The following EVA1A variants were observed in gnomAD, a reference collection of about 807,000 sequenced individuals.
EVA1A encodes the protein protein eva-1 homolog A.
A neutral mutation model predicts 9.8 loss-of-function variants in EVA1A; 7 were observed. The ratio of observed to expected loss-of-function variants is 0.71; its 90% CI spans 0.41 to 1.34. EVA1A has a LOEUF of 1.34. EVA1A is among the 40% of genes most tolerant of loss of function. The pLI, the probability that EVA1A is intolerant of heterozygous loss-of-function variation, is 0.01. For synonymous variants in EVA1A, 90 were observed against 85.6 expected (o/e 1.05, Z -0.28); for missense variants, 206 against 205.9 (o/e 1.00, Z 0.00).
chr2:75,553,770 A>C (rs1277399041), intron 1 of EVA1A, among the ~76,000 whole-genome samples: 3 of 152,198 alleles, frequency 2.0e-5, no homozygotes, highest in Non-Finnish European at 4.4e-5. Context: ...ACACTGGAGA[A>C]TGTCCAGGCC....
chr2:75,504,321 G>A (rs1674533647), intron 3 of EVA1A, among the ~76,000 whole-genome samples: 1 of 152,170 alleles, frequency 6.6e-6, no homozygotes, highest in African/African-American at 2.4e-5. Context: ...TGGGGCAGGA[G>A]AATCGTTTGA....
At chr2:75,550,037 A>C (rs560518737) in intron 1 of EVA1A, among the ~76,000 whole-genome samples, 1 of 152,316 alleles carries the variant, frequency 6.6e-6, no homozygotes, top group East Asian at 1.9e-4. Context: ...TGAACAAAAG[A>C]ATCTTAAGTA....
chr2:75,504,498 GC>G (rs1674541637), intron 3 of EVA1A, among the ~76,000 whole-genome samples: 1 of 152,148 alleles, frequency 6.6e-6, no homozygotes, highest in Non-Finnish European at 1.5e-5. Context: ...TAACATTACT[GC>G]CCTCTCTAAA....
intron 3 of EVA1A, among the ~76,000 whole-genome samples, chr2:75,516,686 AT>A (rs1378538183): frequency 6.6e-6 from 1 of 152,198 alleles, no homozygotes; most frequent in African/African-American, 2.4e-5. Flanking sequence ...TGCGAGACAT[AT>A]TTTTGTGACA....
chr2:75,502,630 G>A (rs923816428), intron 3 of EVA1A, among the ~76,000 whole-genome samples: 6 of 152,238 alleles, frequency 3.9e-5, no homozygotes, highest in Non-Finnish European at 5.9e-5. Flanking sequence ...AAGAGGGAAA[G>A]AGGGAGGAAG....
Position 75,492,863 on chromosome 2 carries a change from C to G in EVA1A, c.*373G>C, listed in dbSNP as rs1416871898. ...GTTAAGTTCACCCTGCTATTCCCAG[C>G]CCTCATGCTATAATGATCTTTCCTT... is the stretch of plus-strand genomic sequence containing the variant. On this transcript the variant is annotated 3_prime_UTR_variant, in exon 4 of 4. Coordinates refer to ENST00000393913, the MANE Select transcript of EVA1A (RefSeq NM_001135032.2). 2.0e-5 allele frequency: 4 copies of G among 200,500 alleles called. No individual in the cohort carries two copies. Among genetic ancestry groups the G allele is most frequent in the African/African-American group, 9.3e-5 (4 of 42,952 alleles). The allele number at this position is 200,500 out of a possible 1,614,324, so 12.4% of individuals were successfully genotyped here.
At chr2:75,512,745 G>T (rs1423733104) in intron 3 of EVA1A, among the ~76,000 whole-genome samples, 2 of 152,056 alleles carry the variant, frequency 1.3e-5, no homozygotes, top group African/African-American at 2.4e-5. Flanking sequence ...TGATGTCTTG[G>T]CCCCAATAAT....
intron 1 of EVA1A, among the ~76,000 whole-genome samples, chr2:75,556,972 T>G (rs1194898992): frequency 6.6e-6 from 1 of 152,158 alleles, no homozygotes; most frequent in Non-Finnish European, 1.5e-5. Flanking sequence ...TGGATGTCAA[T>G]GGATAGGAGA....
intron 3 of EVA1A, among the ~76,000 whole-genome samples, chr2:75,504,178 C>T (rs143040125): frequency 0.022 from 3,295 of 152,042 alleles, 80 homozygotes; most frequent in Admixed American, 0.053. Context: ...TTTGGGAGGT[C>T]GAGGTGGGCA....
At chr2:75,547,730 A>G (rs1051244283) in intron 1 of EVA1A, among the ~76,000 whole-genome samples, 3 of 152,180 alleles carry the variant, frequency 2.0e-5, no homozygotes, top group African/African-American at 7.2e-5. Flanking sequence ...TTAAAGCAAT[A>G]GCTCCTAACT....
At chr2:75,532,979 C>G (rs1269474138) in intron 1 of EVA1A, among the ~76,000 whole-genome samples, 1 of 151,688 alleles carries the variant, frequency 6.6e-6, no homozygotes. Context: ...CCCATCTTTA[C>G]TAAAAATACA....
intron 1 of EVA1A, among the ~76,000 whole-genome samples, chr2:75,557,071 G>A (rs1473450570): frequency 6.6e-6 from 1 of 152,144 alleles, no homozygotes; most frequent in Non-Finnish European, 1.5e-5. Context: ...CACATGCCAG[G>A]TTAGGTGACC....
chr2:75,544,048 A>G (rs1676236496), intron 1 of EVA1A, among the ~76,000 whole-genome samples: 2 of 152,258 alleles, frequency 1.3e-5, no homozygotes, highest in South Asian at 4.1e-4. Flanking sequence ...AGTGGTTTAC[A>G]TGAGCCACAG....
chr2:75,518,233 A>G, intron 2 of EVA1A, 25 bp from the exon 3 acceptor site: 1 of 1,542,708 alleles, frequency 6.5e-7, no homozygotes, highest in Non-Finnish European at 8.7e-7. Context: ...AAAGTGAGTG[A>G]TAAGAAACAT....
rs560951726 is a variant in EVA1A at position 75,501,444 on chromosome 2, T to G, written c.86-7835A>C. On this transcript the variant is annotated intron_variant, in intron 3 of 3. Transcript: ENST00000393913. Reference sequence around the variant, plus strand: ...TCTACATATTGTGGAAATTCTCCCCTTAGGAAAAGAAGAATTTAAAGTAAT... The same window carrying G: ...TCTACATATTGTGGAAATTCTCCCCGTAGGAAAAGAAGAATTTAAAGTAAT... Among the ~76,000 whole-genome samples the G allele has an allele frequency of 7.2e-5, 11 of 152,294 alleles. No homozygotes were observed. The South Asian group carries it at 1.2e-3, about 17-fold the overall frequency.
rs548943972 is a variant in EVA1A at position 75,513,565 on chromosome 2, C to T, written c.85+4491G>A. Among the ~76,000 whole-genome samples the T allele has an allele frequency of 7.2e-5, 11 of 152,260 alleles. No individual in the cohort carries two copies. The South Asian group carries it at 2.1e-3, about 29-fold the overall frequency. On this transcript the variant is annotated intron_variant, in intron 3 of 3. Coordinates refer to ENST00000393913, the MANE Select transcript of EVA1A (RefSeq NM_001135032.2). ...TACCCATAGGAAGTGAAATCAGTAT[C>T]TTTAGAGATATCTGCACTCCATACT...
intron 3 of EVA1A, among the ~76,000 whole-genome samples, chr2:75,514,791 A>C (rs1206751737): frequency 6.6e-6 from 1 of 152,180 alleles, no homozygotes; most frequent in African/African-American, 2.4e-5. Context: ...ATTTCTGCCT[A>C]TATCCCTAAT....
At chr2:75,517,286 G>GA (rs1675046061) in intron 3 of EVA1A, among the ~76,000 whole-genome samples, 1 of 152,066 alleles carries the variant, frequency 6.6e-6, no homozygotes, top group Non-Finnish European at 1.5e-5. Flanking sequence ...AAATCCAATT[G>GA]AAACCCTAGT....
chr2:75,495,606 A>T (rs1177143891), intron 3 of EVA1A, among the ~76,000 whole-genome samples: 1 of 152,134 alleles, frequency 6.6e-6, no homozygotes, highest in Admixed American at 6.5e-5. Context: ...GATTGTTAAA[A>T]TTTTTTATAA....
Sources: allele counts gnomAD v4.1 joint callset (sites outside exome capture counted in the v4.1 genomes callset), GRCh38; gene constraint gnomAD v4.1.1; transcripts MANE v1.5; gene names NCBI Gene and HGNC (gene_info 2026-07-23, HGNC 2026-07-21).